Variants in SLC9A5 observed in about 807,000 individuals in gnomAD.
The protein encoded by SLC9A5 is solute carrier family 9 member A5.
In SLC9A5, 52 loss-of-function variants were observed where a neutral mutation model predicts 91.7. The observed-to-expected ratio is 0.57, with a 90% confidence interval of 0.45 to 0.71. The LOEUF is 0.71. Ranked by LOEUF, SLC9A5 falls within the 30% of genes least tolerant of loss-of-function variation. The pLI is 0.00. For synonymous variants in SLC9A5, 419 were observed against 474.5 expected (o/e 0.88, Z 1.52); for missense variants, 871 against 1,158.9 (o/e 0.75, Z 3.61).
intron 12 of SLC9A5, chr16:67,262,411 T>A: frequency 2.6e-6 from 1 of 378,868 alleles, no homozygotes; most frequent in Non-Finnish European, 5.4e-6. Context: ...GTTAGAAAGA[T>A]AAGATTATAG....
rs992168530 is a variant in SLC9A5 at position 67,271,121 on chromosome 16, C to G, written c.2602C>G (p.Leu868Val). The G allele has an allele frequency of 2.5e-6, 4 of 1,613,788 alleles. No individual in the cohort carries two copies. The highest frequency in any genetic ancestry group is 3.4e-6 in the Non-Finnish European group (4 of 1,180,026). Residue 868 changes from leucine (L) to valine (V), a missense_variant, in exon 16 of 16, where the codon CTC (leucine) becomes GTC (valine). By Grantham distance (32) the Leu-to-Val change is conservative (BLOSUM62 1). This residue lies in a region of SLC9A5 where 295 missense variants were observed against 326.0 expected (regional missense o/e 0.90). Transcript: ENST00000299798. ...CCCCCAGCAGCAGGAGCTGCAGCCCCTCATGGGCCACAAGGACCACACCCA... is the reference window on the plus strand; with the variant it reads ...CCCCCAGCAGCAGGAGCTGCAGCCCGTCATGGGCCACAAGGACCACACCCA... Reference protein sequence around the residue: ...DLPQQQELQPLMGHKDHTHLS... With the variant: ...DLPQQQELQPVMGHKDHTHLS...
chr16:67,253,711 T>C (rs2035213757), intron 2 of SLC9A5, among the ~76,000 whole-genome samples: 1 of 152,094 alleles, frequency 6.6e-6, no homozygotes, highest in Non-Finnish European at 1.5e-5. Flanking sequence ...TTAGTAGAGA[T>C]GGGGTTTCGC....
At chr16:67,254,794 C>T (rs918091376) in intron 2 of SLC9A5, among the ~76,000 whole-genome samples, 1 of 152,208 alleles carries the variant, frequency 6.6e-6, no homozygotes, top group African/African-American at 2.4e-5. Flanking sequence ...ATGACAGTGA[C>T]GGACCAGCAT....
At chr16:67,259,429 T>C in intron 10 of SLC9A5, 144 bp from the exon 11 acceptor site, 1 of 607,950 alleles carries the variant, frequency 1.6e-6, no homozygotes, top group Non-Finnish European at 3.0e-6. Flanking sequence ...ATTTTGTGAA[T>C]TCGATATGTA....
At chr16:67,260,947 C>G (rs903937932) in intron 12 of SLC9A5, among the ~76,000 whole-genome samples, 2 of 152,214 alleles carry the variant, frequency 1.3e-5, no homozygotes, top group African/African-American at 4.8e-5. Flanking sequence ...ACTGTTGAAA[C>G]AGAATTGGCC....
chr16:67,257,503 C>T lies in SLC9A5; in HGVS notation c.1426-28C>T, dbSNP rs756056967. The T allele has an allele frequency of 1.2e-6, 2 of 1,613,756 alleles. No homozygotes were observed. Among genetic ancestry groups the T allele is most frequent in the Non-Finnish European group, 1.7e-6 (2 of 1,179,664 alleles). On this transcript the variant is annotated intron_variant, in intron 8 of 15. Coordinates refer to ENST00000299798, the MANE Select transcript of SLC9A5 (RefSeq NM_004594.3). This position sits in a 1 kb window ranked among gnomAD's most constrained non-coding sequence, Gnocchi z 5.1. ...CTCCTATTTTGGGCAGAGTCCTGAT[C>T]CAGTCCCCCTACCCACCCCCCTTCT...
chr16:67,256,924 G>C lies in SLC9A5; in HGVS notation c.1146G>C (p.Gln382His), dbSNP rs1398891789. 3 of 1,613,838 alleles carry C rather than the reference G, an allele frequency of 1.9e-6. No individual in the cohort carries two copies. The highest frequency in any genetic ancestry group is 1.3e-5 in the African/African-American group (1 of 74,940). Residue 382 changes from glutamine (Q) to histidine (H), a missense_variant, in exon 7 of 16, where the codon CAG becomes CAC. By Grantham distance (24) the Gln-to-His change is conservative. Transcript: ENST00000299798. The surrounding 1 kb of genome is among the most constrained non-coding windows in gnomAD (Gnocchi z 4.1). Reference sequence around the variant, plus strand: ...CTCCCGCTGTAGGCGTAGTCCTGCAGACCTGGGTGCTGAATCAGTTCCGGC... The same window carrying C: ...CTCCCGCTGTAGGCGTAGTCCTGCACACCTGGGTGCTGAATCAGTTCCGGC... ...LFFRALGVVL[Q>H]TWVLNQFRLV...
Position 67,256,628 on chromosome 16 carries a change from G to A in SLC9A5, c.1071G>A (p.Trp357Ter), listed in dbSNP as rs777020113. The A allele has an allele frequency of 2.5e-6, 4 of 1,614,060 alleles. No individual in the cohort carries two copies. The highest frequency in any genetic ancestry group is 3.4e-6 in the Non-Finnish European group (4 of 1,180,024). The change falls in exon 6 of 16, where the codon TGG becomes TGA. Residue 357 changes from tryptophan to a stop codon, truncating the protein, a stop_gained. Coordinates refer to ENST00000299798, the MANE Select transcript of SLC9A5 (RefSeq NM_004594.3). LOFTEE classifies it high-confidence loss of function. This position sits in a 1 kb window ranked among gnomAD's most constrained non-coding sequence, Gnocchi z 4.1. ...TCTCAGCCGTGGACTCTTCTAAGTG[G>A]GCCTGGGATTCTGGGCTGGTGCTGG... ...LGISAVDSSK[W>*]AWDSGLVLGT... is the part of the protein sequence containing the mutation.
At position 67,258,212 on chromosome 16, in the gene SLC9A5, T is replaced by C; in HGVS notation, c.1497-106T>C. On this transcript the variant is annotated intron_variant, in intron 9 of 15. Transcript: ENST00000299798. The surrounding 1 kb of genome is among the most constrained non-coding windows in gnomAD (Gnocchi z 4.5). Reference sequence around the variant, plus strand: ...ATTCTCTCTGGCTGAGGCCCATATCTAAAAAGCCAGGCCAGTGCTGACGGT... The same window carrying C: ...ATTCTCTCTGGCTGAGGCCCATATCCAAAAAGCCAGGCCAGTGCTGACGGT... The C allele has an allele frequency of 5.8e-6, 7 of 1,212,532 alleles. 1 individual carries two copies. In the South Asian group the frequency reaches 9.3e-5, roughly 16 times the overall value. 75.1% of individuals were successfully genotyped at this position (1,212,532 alleles called of 1,614,324 possible).
chr16:67,268,658 T>TTATATA (rs60054219), intron 15 of SLC9A5, among the ~76,000 whole-genome samples: 619 of 42,012 alleles, frequency 0.015, 25 homozygotes, highest in Non-Finnish European at 0.02. Context: ...ATTTCCCTGA[T>TTATATA]TATATATATA....
At chr16:67,260,056 G>C (rs2035474070) in intron 12 of SLC9A5, 110 bp downstream of exon 12, 22 of 1,449,262 alleles carry the variant, frequency 1.5e-5, no homozygotes, top group Non-Finnish European at 1.8e-5. Context: ...CAGCTAAAGA[G>C]TGTGGGTTTC....
chr16:67,259,361 C>CAAAAAAAAAA (rs764650700), intron 10 of SLC9A5, among the ~76,000 whole-genome samples: 1 of 43,360 alleles, frequency 2.3e-5, no homozygotes, highest in Non-Finnish European at 5.3e-5. Context: ...GACTCTGTCT[C>CAAAAAAAAAA]AAAAAAAAAA....
At chr16:67,254,634 T>C (rs897109874) in intron 2 of SLC9A5, among the ~76,000 whole-genome samples, 1 of 152,208 alleles carries the variant, frequency 6.6e-6, no homozygotes, top group Non-Finnish European at 1.5e-5. Context: ...TGACCTCAGG[T>C]GATCCAGCCC....
At position 67,270,653 on chromosome 16, in the gene SLC9A5, CTG is replaced by C. The variant is rs977222206; in HGVS notation, c.2219-82_2219-81del. 4.3e-5 allele frequency: 43 copies of C among 998,912 alleles called. No individual in the cohort carries two copies. In the South Asian group the frequency reaches 6.5e-4, roughly 15 times the overall value. 61.9% of individuals were successfully genotyped at this position (998,912 alleles called of 1,614,324 possible). A position where few individuals can be genotyped will look rare whatever the true frequency, so the allele number is the denominator to read the frequency against. On this transcript the variant is annotated intron_variant, in intron 15 of 15. Coordinates refer to ENST00000299798, the MANE Select transcript of SLC9A5 (RefSeq NM_004594.3). The surrounding 1 kb of genome is among the most constrained non-coding windows in gnomAD (Gnocchi z 4.3). ...CGCAAAAATGGACGGCATATGGAAA[CTG>C]TGGCATGAATTTATAAGAATGTGCT...
intron 1 of SLC9A5, among the ~76,000 whole-genome samples, chr16:67,251,913 A>C (rs1213012968): frequency 6.6e-6 from 1 of 152,190 alleles, no homozygotes; most frequent in East Asian, 1.9e-4. Context: ...GATACTGGGT[A>C]GCATTAGCTG....
chr16:67,255,632 G>A lies in SLC9A5; in HGVS notation c.734-121G>A. The A allele has an allele frequency of 2.3e-6, 3 of 1,325,520 alleles. No homozygotes were observed. Among genetic ancestry groups the A allele is most frequent in the Non-Finnish European group, 3.2e-6 (3 of 950,274 alleles). 82.1% of individuals were successfully genotyped at this position (1,325,520 alleles called of 1,614,324 possible). ...GGGGCTTGCCAGGGATCCTGGCTCT[G>A]GGGTTTTGAGCCCCTGGGAGTGCGG... On this transcript the variant is annotated intron_variant, in intron 4 of 15. Coordinates refer to ENST00000299798, the MANE Select transcript of SLC9A5 (RefSeq NM_004594.3). This position sits in a 1 kb window ranked among gnomAD's most constrained non-coding sequence, Gnocchi z 4.9.
At chr16:67,254,967 A>T in intron 2 of SLC9A5, 54 bp from the exon 3 acceptor site, 4 of 1,563,196 alleles carry the variant, frequency 2.6e-6, no homozygotes, top group African/African-American at 1.4e-5. Context: ...GGCGTGCTCC[A>T]GGAGACTGGG....
chr16:67,255,808 C>T lies in SLC9A5; in HGVS notation c.789C>T (p.Phe263=), dbSNP rs374133289. 21 of 1,604,618 alleles carry T rather than the reference C, an allele frequency of 1.3e-5. No homozygotes were observed. The highest frequency in any genetic ancestry group is 1.8e-5 in the Non-Finnish European group (21 of 1,175,062). ...CAGCCGTGGGCTTAGTCTTTGCCTT[C>T]CTCCTGGCCCTGACCACACGCTTCA... ...GGAAVGLVFA[F]LLALTTRFTK... is the part of the protein sequence containing the mutation. The change falls in exon 5 of 16, where the codon TTC becomes TTT. Residue 263 remains phenylalanine, a synonymous_variant. Transcript: ENST00000299798. The surrounding 1 kb of genome is among the most constrained non-coding windows in gnomAD (Gnocchi z 4.9).
chr16:67,252,711 A>C lies in SLC9A5; in HGVS notation c.357A>C (p.Ser119=), dbSNP rs753542804. Residue 119 remains serine (S), a synonymous_variant, in exon 2 of 16, where the codon TCA becomes TCC. Transcript: ENST00000299798. This position sits in a 1 kb window ranked among gnomAD's most constrained non-coding sequence, Gnocchi z 4.0. ...LFLLPPIVLD[S]GYFMPSRLFF... ...TGCTGCCTCCTATTGTGTTGGACTC[A>C]GGCTATTTCATGCCTAGCAGGCTGT... The C allele has an allele frequency of 1.5e-5, 25 of 1,614,094 alleles. No homozygotes were observed. In the Admixed American group the frequency reaches 2.2e-4, roughly 14 times the overall value.
Sources: allele counts gnomAD v4.1 joint callset (sites outside exome capture counted in the v4.1 genomes callset), GRCh38; gene constraint gnomAD v4.1.1; regional missense constraint gnomAD v4.1.1; non-coding constraint Gnocchi (gnomAD v3.1); transcripts MANE v1.5; gene names NCBI Gene and HGNC (gene_info 2026-07-23, HGNC 2026-07-21).